KCNH8: variants seen among roughly 807,000 people sequenced by gnomAD.
KCNH8 encodes the protein potassium voltage-gated channel subfamily H member 8, also known as voltage-gated delayed rectifier potassium channel KCNH8.
In KCNH8, 70 loss-of-function variants were observed where a neutral mutation model predicts 103.6. The ratio of observed to expected loss-of-function variants is 0.68; its 90% CI spans 0.56 to 0.82. The LOEUF (loss-of-function observed/expected upper bound fraction) is 0.82, where lower values mean the gene tolerates loss of function less well. Among genes scored for constraint, KCNH8 ranks in the 40% least tolerant of loss-of-function variants. The probability of loss-of-function intolerance (pLI) is 0.00; values close to 1 mark genes in which losing one functional copy is unlikely to be tolerated. For synonymous variants in KCNH8, 498 were observed against 489.4 expected (o/e 1.02, Z -0.23); for missense variants, 1,217 against 1,329.9 (o/e 0.92, Z 1.32).
At chr3:19,401,586 A>G (rs2066613422) in intron 7 of KCNH8, among the ~76,000 whole-genome samples, 1 of 151,988 alleles carries the variant, frequency 6.6e-6, no homozygotes, top group Non-Finnish European at 1.5e-5. Context: ...GCTTCTAGAA[A>G]ACAGAAAATA....
At chr3:19,406,886 A>G (rs1401639887) in intron 7 of KCNH8, among the ~76,000 whole-genome samples, 2 of 152,186 alleles carry the variant, frequency 1.3e-5, no homozygotes, top group African/African-American at 4.8e-5. Context: ...AAAATGAGCT[A>G]GTCAGATCAA....
intron 8 of KCNH8, among the ~76,000 whole-genome samples, chr3:19,445,436 T>C (rs2067349149): frequency 6.6e-6 from 1 of 151,874 alleles, no homozygotes; most frequent in Non-Finnish European, 1.5e-5. Flanking sequence ...CTTTGAAAAA[T>C]CTCAATGAGC....
chr3:19,257,853 T>C (rs978792689), intron 2 of KCNH8, among the ~76,000 whole-genome samples: 1 of 152,044 alleles, frequency 6.6e-6, no homozygotes, highest in Non-Finnish European at 1.5e-5. Context: ...CTCTAGATGA[T>C]AGCTGGGTTG....
intron 5 of KCNH8, among the ~76,000 whole-genome samples, chr3:19,387,548 C>T (rs74862225): frequency 1.3e-3 from 193 of 152,068 alleles, no homozygotes; most frequent in Middle Eastern, 0.01. Flanking sequence ...CTTATAAGTA[C>T]GACAAAAGTA....
At chr3:19,301,339 AATAT>A (rs1291239893) in intron 3 of KCNH8, among the ~76,000 whole-genome samples, 1 of 148,580 alleles carries the variant, frequency 6.7e-6, no homozygotes, top group Non-Finnish European at 1.5e-5. Flanking sequence ...AGAAAATACA[AATAT>A]ATATAATATA....
intron 2 of KCNH8, among the ~76,000 whole-genome samples, chr3:19,266,037 T>C (rs1304326479): frequency 6.6e-6 from 1 of 151,990 alleles, no homozygotes; most frequent in Non-Finnish European, 1.5e-5. Context: ...CTCCTCACTG[T>C]CTCCAAAGCT....
intron 1 of KCNH8, among the ~76,000 whole-genome samples, chr3:19,190,589 G>A (rs554832971): frequency 6.6e-6 from 1 of 152,002 alleles, no homozygotes; most frequent in East Asian, 1.9e-4. Flanking sequence ...GGAATAATAC[G>A]TGTCCAATGT....
At chr3:19,252,918 C>T (rs1462944520) in intron 1 of KCNH8, among the ~76,000 whole-genome samples, 1 of 152,124 alleles carries the variant, frequency 6.6e-6, no homozygotes, top group Non-Finnish European at 1.5e-5. Context: ...CATCTTGCTG[C>T]CAGAGTGATC....
intron 1 of KCNH8, among the ~76,000 whole-genome samples, chr3:19,205,945 CTT>C (rs925328301): frequency 6.6e-6 from 1 of 151,690 alleles, no homozygotes; most frequent in Non-Finnish European, 1.5e-5. Flanking sequence ...AGTTTGTAGT[CTT>C]TTATCTCTCA....
intron 5 of KCNH8, among the ~76,000 whole-genome samples, chr3:19,366,351 T>A (rs1044182558): frequency 5.3e-5 from 8 of 152,094 alleles, no homozygotes; most frequent in Non-Finnish European, 1.0e-4. Flanking sequence ...TGTTTAAATT[T>A]GAAATATTTG....
chr3:19,400,219 G>A (rs983583605), intron 7 of KCNH8, among the ~76,000 whole-genome samples: 4 of 99,544 alleles, frequency 4.0e-5, no homozygotes, highest in Non-Finnish European at 7.1e-5. Context: ...TACCAGATAC[G>A]ATGTTAGCCA....
chr3:19,329,282 A>G lies in KCNH8; in HGVS notation c.443-13305A>G, dbSNP rs1337011458. ...TGACTTAATACTTTGGTAAGCCTGG[A>G]TATATATCTTTCTATAAACCTCACC... On this transcript the variant is annotated intron_variant, in intron 3 of 15. Transcript: ENST00000328405. Among the ~76,000 whole-genome samples the G allele has an allele frequency of 2.6e-5, 4 of 152,272 alleles. No homozygotes were observed. The East Asian group carries it at 7.7e-4, about 29-fold the overall frequency.
At chr3:19,369,418 A>G (rs1471780555) in intron 5 of KCNH8, among the ~76,000 whole-genome samples, 1 of 151,592 alleles carries the variant, frequency 6.6e-6, no homozygotes, top group Non-Finnish European at 1.5e-5. Flanking sequence ...CTTTTCCTGT[A>G]TCCTAAATGA....
At chr3:19,461,830 C>G (rs1261719265) in intron 11 of KCNH8, among the ~76,000 whole-genome samples, 3 of 152,146 alleles carry the variant, frequency 2.0e-5, no homozygotes, top group Non-Finnish European at 4.4e-5. Flanking sequence ...AACCACCCCA[C>G]AACAGGCCCC....
chr3:19,470,201 T>C lies in KCNH8; in HGVS notation c.2040+13219T>C, dbSNP rs115319443. Among the ~76,000 whole-genome samples, 479 of 152,278 alleles carry C rather than the reference T, an allele frequency of 3.1e-3. 4 individuals are homozygous for C. Among genetic ancestry groups the C allele is most frequent in the African/African-American group, 0.01 (434 of 41,554 alleles). ...AAACAATAGACATTCAACTCAAATA[T>C]AGCATTAAAAGAAGGGGAGATTTAA... is the stretch of plus-strand genomic sequence containing the variant. On this transcript the variant is annotated intron_variant, in intron 11 of 15. Transcript: ENST00000328405.
At chr3:19,410,834 A>G (rs1485350594) in intron 7 of KCNH8, among the ~76,000 whole-genome samples, 1 of 150,224 alleles carries the variant, frequency 6.7e-6, no homozygotes, top group Non-Finnish European at 1.5e-5. Context: ...GAACGCACCA[A>G]TATTGAGTTC....
intron 7 of KCNH8, among the ~76,000 whole-genome samples, chr3:19,425,480 TA>T (rs1194975719): frequency 2.0e-5 from 3 of 152,224 alleles, no homozygotes; most frequent in Non-Finnish European, 4.4e-5. Flanking sequence ...GTTCACTAAA[TA>T]TTTTTTAATT....
intron 10 of KCNH8, among the ~76,000 whole-genome samples, chr3:19,453,003 G>A (rs1418319430): frequency 6.6e-6 from 1 of 152,112 alleles, no homozygotes; most frequent in Non-Finnish European, 1.5e-5. Flanking sequence ...TATATGCAAT[G>A]GAATACTATT....
rs2063097935 is a variant in KCNH8, at chr3:19,148,582, C to T, written c.-138C>T. The T allele has an allele frequency of 2.5e-6, 2 of 790,360 alleles. No individual in the cohort carries two copies. The highest frequency in any genetic ancestry group is 4.4e-6 in the Non-Finnish European group (2 of 450,806). The allele number at this position is 790,360 out of a possible 1,614,324, so 49.0% of individuals were successfully genotyped here. On this transcript the variant is annotated 5_prime_UTR_variant, in exon 1 of 16. Transcript: ENST00000328405. ...CCTTTCTCCCTCCATCCTTCCACTT[C>T]CCCTGCTCGGCCCCGCCGTCAGGCC... is the stretch of plus-strand genomic sequence containing the variant.
Sources: allele counts gnomAD v4.1 joint callset (sites outside exome capture counted in the v4.1 genomes callset), GRCh38; gene constraint gnomAD v4.1.1; transcripts MANE v1.5; gene names NCBI Gene and HGNC (gene_info 2026-07-23, HGNC 2026-07-21).